Variants in ARSD observed in about 807,000 individuals in gnomAD.
ARSD encodes the protein testis tissue sperm-binding protein Li 39a.
Under a neutral mutation model 32.6 loss-of-function variants are expected in ARSD, and 21 were observed. The observed-to-expected ratio is 0.64, with a 90% CI of 0.46 to 0.93. The LOEUF (loss-of-function observed/expected upper bound fraction) is 0.93, where lower values mean the gene tolerates loss of function less well. ARSD is among the 40% of genes least tolerant of loss of function. ARSD has a pLI of 0.00. For missense variants in ARSD, 454 were observed against 520.9 expected (o/e 0.87, Z 1.25); for synonymous variants, 224 against 237.4 (o/e 0.94, Z 0.52).
chrX:2,920,770 G>A (rs1310847180), intron 3 of ARSD, 47 bp from the exon 4 acceptor site: 3 of 1,191,354 alleles, frequency 2.5e-6, no homozygotes, highest in Non-Finnish European at 3.4e-6. Context: ...TTTCTCTAGA[G>A]GAGCACTTCT....
intron 3 of ARSD, among the ~76,000 whole-genome samples, chrX:2,921,436 C>T (rs189447484): frequency 3.6e-5 from 4 of 112,006 alleles, no homozygotes; most frequent in South Asian, 3.7e-4. Flanking sequence ...TCATCTATCA[C>T]GTCATGATCA....
In ARSD at chrX:2,918,194, C is replaced by G. The variant is rs769119418; in HGVS notation, c.473G>C (p.Arg158Pro). 19 of 1,175,272 alleles carry G rather than the reference C, an allele frequency of 1.6e-5. No individual in the cohort carries two copies. In the African/African-American group the frequency reaches 3.4e-4, roughly 21 times the overall value. ...CAGGGGGTGGTGGCAGTGATCCCCG[C>G]GGGATGCACAATTCACACCCTGGTG... The part of the protein sequence containing the change: ...KWHQGVNCAS[R>P]GDHCHHPLNH... Residue 158 changes from arginine (R) to proline (P), a missense_variant, in exon 5 of 10, where the codon CGC becomes CCC. Physicochemically the swap from Arg to Pro is moderately radical, Grantham distance 103 (BLOSUM62 -2). Coordinates refer to ENST00000381154, the MANE Select transcript of ARSD (RefSeq NM_001669.4).
intron 6 of ARSD, 133 bp downstream of exon 6, chrX:2,915,423 G>C: frequency 5.2e-6 from 5 of 968,170 alleles, no homozygotes; most frequent in Non-Finnish European, 6.9e-6. Flanking sequence ...CCAAAGTGCT[G>C]GGATTACAGG....
chrX:2,915,229 A>C (rs1190880741), intron 6 of ARSD, among the ~76,000 whole-genome samples: 1 of 110,921 alleles, frequency 9.0e-6, no homozygotes, highest in Non-Finnish European at 1.9e-5. Flanking sequence ...ATCTCAACTC[A>C]CTGCAACCTC....
In ARSD at chrX:2,907,589, G is replaced by T; in HGVS notation, c.1464C>A (p.His488Gln). ...CGTAGCAGGCCCCCGCTCCCTCGGG[G>T]TGGAACTGCGGGGTCGTGTAATGAA... ...WKVHYTTPQF[H>Q]PEGAGACYGR... The change falls in exon 10 of 10, where the codon CAC becomes CAA. Residue 488 changes from histidine (H) to glutamine (Q), a missense_variant. By Grantham distance (24) the His-to-Gln change is conservative. Around this residue, in one of 3 missense-constraint regions of ARSD, gnomAD observed 179 missense variants for 198.5 expected, o/e 0.90. Transcript: ENST00000381154. The T allele has an allele frequency of 8.9e-7, 1 of 1,127,234 alleles. No homozygotes were observed. The highest frequency in any genetic ancestry group is 1.2e-6 in the Non-Finnish European group (1 of 853,124). The allele number at this position is 1,127,234 out of a possible 1,213,427, so 92.9% of individuals were successfully genotyped here.
chrX:2,908,537 C>G (rs1264218265), intron 9 of ARSD, among the ~76,000 whole-genome samples, 184 bp downstream of exon 9: 2 of 100,164 alleles, frequency 2.0e-5, no homozygotes, highest in East Asian at 6.4e-4. Flanking sequence ...CTCTCTCTCC[C>G]CCCCCCATCA....
chrX:2,917,676 T>C (rs2088976299), intron 5 of ARSD, 128 bp downstream of exon 5: 6 of 624,092 alleles, frequency 9.6e-6, no homozygotes, highest in Middle Eastern at 5.2e-4. Context: ...CTTCCTATGT[T>C]GCCCAAGCTA....
intron 4 of ARSD, 47 bp downstream of exon 4, chrX:2,920,554 G>A (rs778237615): frequency 4.1e-6 from 5 of 1,208,165 alleles, no homozygotes; most frequent in Middle Eastern, 2.3e-4. Flanking sequence ...TTTTTATCAC[G>A]AATATTCCCA....
At chrX:2,911,300 G>A (rs2088898705) in intron 6 of ARSD, among the ~76,000 whole-genome samples, 1 of 110,481 alleles carries the variant, frequency 9.1e-6, no homozygotes, top group South Asian at 3.9e-4. Flanking sequence ...TTGAACCCAG[G>A]AGGCAGAGGT....
chrX:2,916,131 CA>C (rs55848346), intron 5 of ARSD, among the ~76,000 whole-genome samples: 2,604 of 38,079 alleles, frequency 0.068, 98 homozygotes, highest in African/African-American at 0.23. Context: ...GACCCTGTCT[CA>C]AAAAAAAAAA....
chrX:2,913,591 GA>G (rs67950778), intron 6 of ARSD: 333 of 1,002,747 alleles, frequency 3.3e-4, no homozygotes, highest in South Asian at 4.2e-4. Context: ...ACTCTCTTAA[GA>G]ATCTGCAGCC....
intron 2 of ARSD, 116 bp downstream of exon 2, chrX:2,925,500 T>A (rs1426080135): frequency 1.2e-6 from 1 of 837,764 alleles, no homozygotes; most frequent in African/African-American, 2.1e-5. Context: ...CTGTTGGTAG[T>A]TTTTTGTTGA....
rs762260699 is a variant in ARSD at position 2,913,540 on chromosome X, C to T, written c.1000+2016G>A. ...TCCCGCCCTATCACTATGCTTGTCT[C>T]GGGAGATATGTTCAGATTCTGCAAG... On this transcript the variant is annotated intron_variant, in intron 6 of 9. Transcript: ENST00000381154. 34 of 979,347 alleles carry T rather than the reference C, an allele frequency of 3.5e-5. No individual in the cohort carries two copies. In the African/African-American group the frequency reaches 3.8e-4, roughly 11 times the overall value. The allele number at this position is 979,347 out of a possible 1,213,427, so 80.7% of individuals were successfully genotyped here. A position where few individuals can be genotyped will look rare whatever the true frequency, so the allele number is the denominator to read the frequency against.
At position 2,908,667 on chromosome X, in the gene ARSD, C is replaced by T. The variant is rs73193014; in HGVS notation, c.1420+54G>A. The T allele has an allele frequency of 5.0e-3, 5,590 of 1,125,061 alleles. 14 individuals carry two copies. Among genetic ancestry groups the T allele is most frequent in the Non-Finnish European group, 5.6e-3 (4,697 of 846,101 alleles). 92.7% of individuals were successfully genotyped at this position (1,125,061 alleles called of 1,213,427 possible). A position where few individuals can be genotyped will look rare whatever the true frequency, so the allele number is the denominator to read the frequency against. On this transcript the variant is annotated intron_variant, in intron 9 of 9. Coordinates refer to ENST00000381154, the MANE Select transcript of ARSD (RefSeq NM_001669.4). ...CCATCCATCCATCCACATATCCACA[C>T]ATCCTATTGGCTGTTTCTCTGGACA...
At chrX:2,914,999 C>T (rs374586119) in intron 6 of ARSD, among the ~76,000 whole-genome samples, 2 of 111,323 alleles carry the variant, frequency 1.8e-5, no homozygotes, top group East Asian at 5.7e-4. Flanking sequence ...CTCAGCCTCC[C>T]GAGTACCTGG....
intron 1 of ARSD, 54 bp downstream of exon 1, chrX:2,929,178 C>T: frequency 1.0e-6 from 1 of 1,000,440 alleles, no homozygotes; most frequent in South Asian, 3.2e-5. Flanking sequence ...CGACCCCCTC[C>T]CCAGGCCCCC....
Position 2,909,683 on chromosome X carries a change from C to CAAAAAA in ARSD, c.1298+128_1298+133dup, listed in dbSNP as rs751282477. 2.7e-4 allele frequency: 78 copies of CAAAAAA among 289,487 alleles called. 2 individuals carry two copies. The African/African-American group carries it at 5.7e-3, about 21-fold the overall frequency. 23.9% of individuals were successfully genotyped at this position (289,487 alleles called of 1,213,427 possible). Reference sequence around the variant, plus strand: ...TGGGCAAGAGTGTGAGACTCTGTCTCAAAAAAAAAAAAAAAAAAAAGCTTA... The same window carrying CAAAAAA: ...TGGGCAAGAGTGTGAGACTCTGTCTCAAAAAAAAAAAAAAAAAAAAAAAAAAGCTTA... On this transcript the variant is annotated intron_variant, in intron 8 of 9. Coordinates refer to ENST00000381154, the MANE Select transcript of ARSD (RefSeq NM_001669.4).
chrX:2,908,534 T>TCTCC (rs769406667), intron 9 of ARSD, among the ~76,000 whole-genome samples, 187 bp downstream of exon 9: 5 of 84,132 alleles, frequency 5.9e-5, no homozygotes, highest in African/African-American at 1.9e-4. Flanking sequence ...TCTCTCTCTC[T>TCTCC]CCCCCCCCCA....
chrX:2,922,634 A>G (rs2089039326), intron 2 of ARSD, among the ~76,000 whole-genome samples: 1 of 109,167 alleles, frequency 9.2e-6, no homozygotes, highest in South Asian at 4.0e-4. Flanking sequence ...CAGGAGTTCA[A>G]GACAAACCTA....
Sources: gnomAD v4.1 joint callset for allele counts (sites outside exome capture counted in the v4.1 genomes callset) on GRCh38, gnomAD v4.1.1 for gene constraint, gnomAD v4.1.1 regional missense constraint, MANE v1.5 for transcripts, NCBI Gene and HGNC (gene_info 2026-07-23, HGNC 2026-07-21) for gene names.